Variants in FBXO10 observed in about 807,000 individuals in gnomAD.
The protein encoded by FBXO10 is F-box only protein 10.
A neutral mutation model predicts 80.7 loss-of-function variants in FBXO10; 39 were observed. That is an observed-to-expected ratio of 0.48 (90% CI 0.37 to 0.63). The LOEUF is 0.63. Among genes scored for constraint, FBXO10 ranks in the 30% least tolerant of loss-of-function variants. The pLI is 0.00. For synonymous variants in FBXO10, 449 were observed against 489.6 expected (o/e 0.92, Z 1.09); for missense variants, 1,025 against 1,269.0 (o/e 0.81, Z 2.92).
intron 1 of FBXO10, among the ~76,000 whole-genome samples, chr9:37,574,566 G>A (rs1822846358): frequency 6.6e-6 from 1 of 152,126 alleles, no homozygotes; most frequent in Non-Finnish European, 1.5e-5. Flanking sequence ...TAAAAGCCCT[G>A]ATAAAGCAGC....
chr9:37,520,522 CTTTTTTTT>C lies in FBXO10; in HGVS notation c.2200+1039_2200+1046del, dbSNP rs1191753429. On this transcript the variant is annotated intron_variant, in intron 8 of 10. Transcript: ENST00000432825. ...TTTTCTTTCTCTACTCCTTCTTCTT[CTTTTTTTT>C]TTTTTTTTTTTTTTGTAGAAACCAA... Among the ~76,000 whole-genome samples, 598 of 83,438 alleles carry C rather than the reference CTTTTTTTT, an allele frequency of 7.2e-3. 6 individuals carry two copies. The highest frequency in any genetic ancestry group is 0.026 in the African/African-American group (567 of 22,130). 54.7% of individuals were successfully genotyped at this position (83,438 alleles called of 152,430 possible). A position where few individuals can be genotyped will look rare whatever the true frequency, so the allele number is the denominator to read the frequency against.
chr9:37,529,389 T>C, intron 4 of FBXO10, 129 bp from the exon 5 acceptor site: 1 of 1,004,238 alleles, frequency 1.0e-6, no homozygotes, highest in African/African-American at 1.6e-5. Context: ...GTAAGAGCCC[T>C]AGCCCGTGAC....
chr9:37,559,108 C>A (rs184644919), intron 1 of FBXO10, among the ~76,000 whole-genome samples: 24 of 152,086 alleles, frequency 1.6e-4, no homozygotes, highest in Admixed American at 1.5e-3. Context: ...CGCGCCTGGC[C>A]GAAAAAAGAA....
intron 1 of FBXO10, among the ~76,000 whole-genome samples, chr9:37,567,169 G>A (rs761851824): frequency 6.7e-6 from 1 of 149,714 alleles, no homozygotes; most frequent in African/African-American, 2.5e-5. Context: ...TTGAGACAAG[G>A]TCTTGCTTTG....
intron 1 of FBXO10, among the ~76,000 whole-genome samples, chr9:37,559,195 A>G (rs1051262767): frequency 6.6e-5 from 10 of 152,198 alleles, no homozygotes; most frequent in Admixed American, 4.6e-4. Flanking sequence ...TCACCTGAGA[A>G]TCACCTGGGG....
intron 1 of FBXO10, among the ~76,000 whole-genome samples, chr9:37,565,404 G>A (rs10973418): frequency 0.23 from 34,508 of 152,120 alleles, 4,193 homozygotes; most frequent in Admixed American, 0.26. Context: ...ACAGCAGCAG[G>A]TAGCTTTTAC....
chr9:37,557,424 C>G (rs1052627352), intron 1 of FBXO10, among the ~76,000 whole-genome samples: 1 of 152,204 alleles, frequency 6.6e-6, no homozygotes, highest in Non-Finnish European at 1.5e-5. Context: ...TTTCTCCTCA[C>G]AAAGTCATTC....
At chr9:37,518,067 A>G (rs1252429965) in intron 9 of FBXO10, 58 bp downstream of exon 9, 1 of 1,531,476 alleles carries the variant, frequency 6.5e-7, no homozygotes, top group East Asian at 2.3e-5. Context: ...CACGAGGACT[A>G]TCCCAGGGTT....
At chr9:37,513,658 G>A (rs1333547827) in intron 10 of FBXO10, among the ~76,000 whole-genome samples, 1 of 151,834 alleles carries the variant, frequency 6.6e-6, no homozygotes, top group African/African-American at 2.4e-5. Context: ...AGTGTGATCT[G>A]GGTTCACTGC....
chr9:37,559,960 G>C (rs1822437368), intron 1 of FBXO10, among the ~76,000 whole-genome samples: 1 of 152,190 alleles, frequency 6.6e-6, no homozygotes, highest in Non-Finnish European at 1.5e-5. Context: ...AAACTCTAAA[G>C]GGCATTATTA....
intron 1 of FBXO10, among the ~76,000 whole-genome samples, chr9:37,544,210 A>T (rs1317454775): frequency 6.6e-6 from 1 of 152,204 alleles, no homozygotes; most frequent in African/African-American, 2.4e-5. Flanking sequence ...TGGAGGTTGC[A>T]GTGAGCCGAG....
intron 8 of FBXO10, 59 bp downstream of exon 8, chr9:37,521,510 A>G: frequency 7.0e-7 from 1 of 1,420,218 alleles, no homozygotes; most frequent in Non-Finnish European, 9.3e-7. Context: ...TTGGAGAAAA[A>G]AAAAGACAGT....
At chr9:37,527,242 A>G (rs907508126) in intron 5 of FBXO10, among the ~76,000 whole-genome samples, 8 of 152,058 alleles carry the variant, frequency 5.3e-5, no homozygotes, top group Admixed American at 3.9e-4. Context: ...ACCTCCTTTC[A>G]TCTTTCTCCA....
intron 1 of FBXO10, among the ~76,000 whole-genome samples, chr9:37,543,207 T>A (rs955947165): frequency 2.6e-5 from 4 of 152,218 alleles, no homozygotes; most frequent in African/African-American, 9.6e-5. Context: ...CTACTTGCTT[T>A]TTCTGGAAAA....
At chr9:37,550,205 TAG>T (rs1318806576) in intron 1 of FBXO10, among the ~76,000 whole-genome samples, 2 of 128,718 alleles carry the variant, frequency 1.6e-5, no homozygotes, top group Non-Finnish European at 3.3e-5. Flanking sequence ...TTTTTTGAGA[TAG>T]AGTCTTGCTC....
Position 37,512,002 on chromosome 9 carries a change from C to A in FBXO10, c.*545G>T. ...CCTGTTGCTCCCAGGTCCTTCCTTC[C>A]TCCCAGGTCCATGTCCAAGTCCTCA... On this transcript the variant is annotated 3_prime_UTR_variant, in exon 11 of 11. Coordinates refer to ENST00000432825, the MANE Select transcript of FBXO10 (RefSeq NM_012166.3). The A allele has an allele frequency of 6.5e-6, 1 of 152,788 alleles. No individual in the cohort carries two copies. Among genetic ancestry groups the A allele is most frequent in the Non-Finnish European group, 1.5e-5 (1 of 68,444 alleles). The allele number at this position is 152,788 out of a possible 1,614,324, so 9.5% of individuals were successfully genotyped here. A position where few individuals can be genotyped will look rare whatever the true frequency, so the allele number is the denominator to read the frequency against.
intron 3 of FBXO10, among the ~76,000 whole-genome samples, chr9:37,535,043 C>T (rs1445323131): frequency 6.6e-6 from 1 of 152,190 alleles, no homozygotes; most frequent in Non-Finnish European, 1.5e-5. Flanking sequence ...AGGGCGAGAG[C>T]AGCGGAGATC....
chr9:37,561,405 C>T (rs958799024), intron 1 of FBXO10, among the ~76,000 whole-genome samples: 1 of 152,082 alleles, frequency 6.6e-6, no homozygotes, highest in Non-Finnish European at 1.5e-5. Context: ...TAGCACTCTC[C>T]TAACCTCCCA....
At position 37,523,021 on chromosome 9, in the gene FBXO10, C is replaced by T. The variant is rs1015913478; in HGVS notation, c.1778-44G>A. On this transcript the variant is annotated intron_variant, in intron 6 of 10. Coordinates refer to ENST00000432825, the MANE Select transcript of FBXO10 (RefSeq NM_012166.3). ...AAGAAGGTCAGTACCCAAGGGCCAGCTCCAGTGCTGGCAAATAGGACTTGG... is the reference window on the plus strand; with the variant it reads ...AAGAAGGTCAGTACCCAAGGGCCAGTTCCAGTGCTGGCAAATAGGACTTGG... 1.1e-5 allele frequency: 17 copies of T among 1,565,244 alleles called. No homozygotes were observed. The African/African-American group carries it at 2.2e-4, about 20-fold the overall frequency.
Sources: gnomAD v4.1 joint callset for allele counts (sites outside exome capture counted in the v4.1 genomes callset) on GRCh38, gnomAD v4.1.1 for gene constraint, MANE v1.5 for transcripts, NCBI Gene and HGNC (gene_info 2026-07-23, HGNC 2026-07-21) for gene names.